Variants in PCDHA4 observed in about 807,000 individuals in gnomAD.
PCDHA4 encodes protocadherin alpha-4.
PCDHA4 carries 49 observed loss-of-function variants against 61.4 expected under a neutral mutation model. That is an observed-to-expected ratio of 0.80 (90% CI 0.63 to 1.01). The LOEUF (loss-of-function observed/expected upper bound fraction) is 1.01, where lower values mean the gene tolerates loss of function less well. Among genes scored for constraint, PCDHA4 ranks in the 50% least tolerant of loss-of-function variants. The probability of loss-of-function intolerance (pLI) is 0.00; values close to 1 mark genes in which losing one functional copy is unlikely to be tolerated. For synonymous variants in PCDHA4, 590 were observed against 550.3 expected (o/e 1.07, Z -1.01); for missense variants, 1,254 against 1,235.8 (o/e 1.01, Z -0.22).
At chr5:140,862,992 C>A (rs781974665) in intron 1 of PCDHA4, 3 of 548,132 alleles carry the variant, frequency 5.5e-6, no homozygotes, top group Admixed American at 1.9e-5. Flanking sequence ...AAGGTGCGCA[C>A]GGTGGACTCC....
In PCDHA4 at chr5:140,883,463, T is replaced by C. The variant is rs1028584234; in HGVS notation, c.2385+73891T>C. On this transcript the variant is annotated intron_variant, in intron 1 of 3. Transcript: ENST00000530339. ...GCCGCATGTCCCCTTCAAGCTGGTGTCCACCTACAAGAACTACTACTCATT... is the reference window on the plus strand; with the variant it reads ...GCCGCATGTCCCCTTCAAGCTGGTGCCCACCTACAAGAACTACTACTCATT... 44 of 1,614,040 alleles carry C rather than the reference T, an allele frequency of 2.7e-5. No individual in the cohort carries two copies. Among genetic ancestry groups the C allele is most frequent in the Non-Finnish European group, 3.6e-5 (42 of 1,180,048 alleles).
At chr5:140,883,773 G>T (rs1362933627) in intron 1 of PCDHA4, 4 of 1,612,256 alleles carry the variant, frequency 2.5e-6, no homozygotes, top group Admixed American at 1.7e-5. Flanking sequence ...GTGGGCGAGC[G>T]TGCGCTGTCG....
At chr5:140,927,183 C>T (rs1554204140) in intron 1 of PCDHA4, 12 of 1,614,160 alleles carry the variant, frequency 7.4e-6, no homozygotes, top group Non-Finnish European at 1.0e-5. Context: ...TCTTGACCTA[C>T]GACCTGGTGC....
chr5:141,002,099 GC>G (rs1399073427), intron 3 of PCDHA4, among the ~76,000 whole-genome samples: 9 of 152,362 alleles, frequency 5.9e-5, no homozygotes, highest in Non-Finnish European at 1.2e-4. Flanking sequence ...CAGGGGCTGG[GC>G]CGGAAACGGC....
At chr5:140,848,405 C>A in intron 1 of PCDHA4, 12 of 1,329,950 alleles carry the variant, frequency 9.0e-6, no homozygotes, top group Non-Finnish European at 1.3e-5. Flanking sequence ...TGAACGATGG[C>A]GAACACAGCA....
At chr5:140,900,270 T>C (rs1203586696) in intron 1 of PCDHA4, among the ~76,000 whole-genome samples, 1 of 152,082 alleles carries the variant, frequency 6.6e-6, no homozygotes, top group Non-Finnish European at 1.5e-5. Flanking sequence ...ATTGTGTATA[T>C]GTACCACACT....
chr5:140,814,516 AG>A (rs1554126542), intron 1 of PCDHA4: 1 of 152,172 alleles, frequency 6.6e-6, no homozygotes, highest in African/African-American at 2.4e-5. Context: ...ACCACTAAAA[AG>A]TATAGTAAAT....
chr5:140,860,441 A>T (rs1038700248), intron 1 of PCDHA4: 3 of 152,166 alleles, frequency 2.0e-5, no homozygotes, highest in African/African-American at 4.8e-5. Context: ...GATCTTTTTC[A>T]TATTAATTCA....
chr5:140,953,809 G>A (rs1244835717), intron 1 of PCDHA4, among the ~76,000 whole-genome samples: 2 of 152,168 alleles, frequency 1.3e-5, no homozygotes, highest in East Asian at 1.9e-4. Context: ...GTTCTGAGGT[G>A]CATGTGCTAG....
intron 1 of PCDHA4, chr5:140,871,093 G>C: frequency 1.9e-6 from 3 of 1,613,300 alleles, no homozygotes; most frequent in Non-Finnish European, 2.5e-6. Context: ...CACGGCCACC[G>C]TGCTGGTGTC....
At chr5:140,950,997 A>G (rs782438146) in intron 1 of PCDHA4, among the ~76,000 whole-genome samples, 6 of 151,460 alleles carry the variant, frequency 4.0e-5, no homozygotes, top group Non-Finnish European at 7.4e-5. Flanking sequence ...TTTTAGCTCC[A>G]TTTTTCCCAA....
chr5:140,869,766 G>T, intron 1 of PCDHA4: 1 of 1,613,210 alleles, frequency 6.2e-7, no homozygotes, highest in Non-Finnish European at 8.5e-7. Context: ...GAAAACCAGA[G>T]CTTACTGGCA....
chr5:140,834,406 A>G, intron 1 of PCDHA4: 1 of 1,610,156 alleles, frequency 6.2e-7, no homozygotes, highest in Non-Finnish European at 8.5e-7. Context: ...AATGGATACG[A>G]CCCAGGGGGC....
chr5:140,870,731 C>T (rs782095287), intron 1 of PCDHA4: 3 of 1,613,444 alleles, frequency 1.9e-6, no homozygotes, highest in Non-Finnish European at 2.5e-6. Context: ...GGCGTGCCGC[C>T]TCTGAGCAGC....
chr5:140,981,024 A>G (rs2096915063), intron 2 of PCDHA4, among the ~76,000 whole-genome samples: 2 of 152,112 alleles, frequency 1.3e-5, no homozygotes, highest in Admixed American at 6.5e-5. Flanking sequence ...AAGGCTGTTA[A>G]TATTTGGGGA....
In PCDHA4 at chr5:140,809,261, G is replaced by T. The variant is rs1554125107; in HGVS notation, c.2074G>T (p.Ala692Ser). 2 of 1,613,992 alleles carry T rather than the reference G, an allele frequency of 1.2e-6. No individual in the cohort carries two copies. The highest frequency in any genetic ancestry group is 1.7e-6 in the Non-Finnish European group (2 of 1,179,972). ...GGTGGGCGCTGTGGGTCCCGATGCT[G>T]CGCTGGTGGATGTCAACGTATACCT... ...ALVGAVGPDAALVDVNVYLII... is the reference protein window; with the variant it reads ...ALVGAVGPDASLVDVNVYLII... Residue 692 changes from alanine to serine, a missense_variant, in exon 1 of 4, where the codon GCG becomes TCG. Coordinates refer to ENST00000530339, the MANE Select transcript of PCDHA4 (RefSeq NM_018907.4).
At chr5:140,972,983 AGATTCTGTGCATTTGT>A (rs1169514447) in intron 1 of PCDHA4, among the ~76,000 whole-genome samples, 1 of 152,102 alleles carries the variant, frequency 6.6e-6, no homozygotes, top group Admixed American at 6.6e-5. Flanking sequence ...ATCTTAAGGT[AGATTCTGTGCATTTGT>A]GGTCGTGGTG....
intron 1 of PCDHA4, among the ~76,000 whole-genome samples, chr5:140,914,030 G>A (rs2076568173): frequency 1.3e-5 from 2 of 152,180 alleles, no homozygotes; most frequent in South Asian, 4.1e-4. Flanking sequence ...CACGTGCTGA[G>A]AAGAATGTGT....
intron 1 of PCDHA4, among the ~76,000 whole-genome samples, chr5:140,901,864 C>G (rs782513656): frequency 4.6e-4 from 70 of 152,126 alleles, no homozygotes; most frequent in Non-Finnish European, 5.7e-4. Flanking sequence ...TTTGTGTCCT[C>G]TTCAATTTCT....
Sources: allele counts gnomAD v4.1 joint callset (sites outside exome capture counted in the v4.1 genomes callset), GRCh38; gene constraint gnomAD v4.1.1; transcripts MANE v1.5; gene names NCBI Gene and HGNC (gene_info 2026-07-23, HGNC 2026-07-21).